Variants in FAM13A observed in about 807,000 individuals in gnomAD.
The protein encoded by FAM13A is protein FAM13A.
In FAM13A, 76 loss-of-function variants were observed where a neutral mutation model predicts 129.6. The ratio of observed to expected loss-of-function variants is 0.59; its 90% confidence interval spans 0.49 to 0.71. FAM13A has a LOEUF of 0.71. Among genes scored for constraint, FAM13A ranks in the 30% least tolerant of loss-of-function variants. The pLI is 0.00. For synonymous variants in FAM13A, 443 were observed against 449.9 expected (o/e 0.98, Z 0.20); for missense variants, 1,108 against 1,249.3 (o/e 0.89, Z 1.70).
chr4:89,039,955 TAAA>T (rs1027631391), intron 1 of FAM13A, among the ~76,000 whole-genome samples: 1 of 139,672 alleles, frequency 7.2e-6, no homozygotes, highest in Admixed American at 7.2e-5. Flanking sequence ...ACTGTCTCTT[TAAA>T]AAAAAAAAAG....
At chr4:88,772,469 C>T (rs984554146) in intron 11 of FAM13A, among the ~76,000 whole-genome samples, 2 of 152,154 alleles carry the variant, frequency 1.3e-5, no homozygotes, top group African/African-American at 4.8e-5. Flanking sequence ...CAGCCTCTCT[C>T]GTGATCTGGT....
chr4:88,909,265 A>C (rs1748652420), intron 5 of FAM13A, among the ~76,000 whole-genome samples: 1 of 152,190 alleles, frequency 6.6e-6, no homozygotes, highest in African/African-American at 2.4e-5. Flanking sequence ...TTCGGCTATA[A>C]AAAGGAATAA....
chr4:88,991,381 T>G (rs1762905822), intron 3 of FAM13A, among the ~76,000 whole-genome samples: 1 of 152,086 alleles, frequency 6.6e-6, no homozygotes, highest in Non-Finnish European at 1.5e-5. Flanking sequence ...GAGCTCGCAG[T>G]GAGCCGAGAT....
intron 1 of FAM13A, among the ~76,000 whole-genome samples, chr4:89,031,387 A>G (rs1768662055): frequency 6.6e-6 from 1 of 152,218 alleles, no homozygotes. Flanking sequence ...AGCATAGACT[A>G]TGGAACAAGA....
chr4:88,780,846 G>A (rs1232575315), intron 11 of FAM13A, among the ~76,000 whole-genome samples: 1 of 150,260 alleles, frequency 6.7e-6, no homozygotes, highest in East Asian at 2.0e-4. Context: ...CAAATAGAAT[G>A]GGGAAAAAGA....
Position 88,733,887 on chromosome 4 carries a change from T to C in FAM13A, c.2647-1689A>G, listed in dbSNP as rs141659588. 4.9e-4 allele frequency among the ~76,000 whole-genome samples: 74 copies of C among 152,346 alleles called. No homozygotes were observed. The East Asian group carries it at 0.013, about 26-fold the overall frequency. The stretch of plus-strand genomic sequence containing the variant: ...TCAGGTGTCTAGGCCTTATCAATTA[T>C]ATCCCAAAGTCCTGAGAGAACTTAA... On this transcript the variant is annotated intron_variant, in intron 21 of 23. Coordinates refer to ENST00000264344, the MANE Select transcript of FAM13A (RefSeq NM_014883.4).
chr4:88,835,934 A>G (rs1247975808), intron 7 of FAM13A, among the ~76,000 whole-genome samples: 1 of 152,040 alleles, frequency 6.6e-6, no homozygotes, highest in Admixed American at 6.6e-5. Context: ...TGCTCTATAT[A>G]ATTTCTCTGA....
rs759726778 is a variant in FAM13A at position 88,758,729 on chromosome 4, T to G, written c.1726+25A>C. On this transcript the variant is annotated intron_variant, in intron 14 of 23. Coordinates refer to ENST00000264344, the MANE Select transcript of FAM13A (RefSeq NM_014883.4). Reference sequence around the variant, plus strand: ...TTATATATGCTTTAATGATAGCAAATCATCCAAGTATCAGACAACCCTACC... The same window carrying G: ...TTATATATGCTTTAATGATAGCAAAGCATCCAAGTATCAGACAACCCTACC... The G allele has an allele frequency of 1.6e-5, 26 of 1,601,748 alleles. No individual in the cohort carries two copies. In the South Asian group the frequency reaches 2.6e-4, roughly 16 times the overall value.
chr4:88,884,922 T>C (rs1744160826), intron 6 of FAM13A, among the ~76,000 whole-genome samples: 1 of 151,970 alleles, frequency 6.6e-6, no homozygotes, highest in Admixed American at 6.6e-5. Context: ...TAAAATCAAA[T>C]ACTTAGGAAT....
chr4:88,853,009 G>A (rs1737878467), intron 6 of FAM13A, among the ~76,000 whole-genome samples: 1 of 152,126 alleles, frequency 6.6e-6, no homozygotes, highest in African/African-American at 2.4e-5. Context: ...ATTTAGGATA[G>A]AGCAAAGTGA....
chr4:88,870,683 C>G (rs1047728291), intron 6 of FAM13A, among the ~76,000 whole-genome samples: 5 of 152,230 alleles, frequency 3.3e-5, no homozygotes, highest in African/African-American at 9.6e-5. Flanking sequence ...GACTCTACCT[C>G]TGGGAGCAGG....
At chr4:88,753,587 G>A in intron 14 of FAM13A, 1 of 697,676 alleles carries the variant, frequency 1.4e-6, no homozygotes, top group Non-Finnish European at 1.8e-6. Context: ...GGAAGTGAAA[G>A]GTTTCTCATC....
chr4:88,941,974 C>G (rs1754834153), intron 4 of FAM13A, among the ~76,000 whole-genome samples: 1 of 152,050 alleles, frequency 6.6e-6, no homozygotes, highest in Non-Finnish European at 1.5e-5. Flanking sequence ...ATTTCAGTGC[C>G]AAAGCCATCT....
chr4:88,745,555 A>G (rs1442290449), intron 19 of FAM13A, among the ~76,000 whole-genome samples: 1 of 152,184 alleles, frequency 6.6e-6, no homozygotes, highest in Non-Finnish European at 1.5e-5. Flanking sequence ...GAAGGAAAAC[A>G]CACCTTCTCC....
chr4:88,984,347 G>A (rs1761986188), intron 4 of FAM13A, among the ~76,000 whole-genome samples: 1 of 152,070 alleles, frequency 6.6e-6, no homozygotes, highest in Admixed American at 6.5e-5. Flanking sequence ...TCAAGAAAAT[G>A]AAAAGGCAAC....
intron 5 of FAM13A, among the ~76,000 whole-genome samples, chr4:88,912,903 C>T (rs1470112371): frequency 6.6e-6 from 1 of 152,044 alleles, no homozygotes; most frequent in African/African-American, 2.4e-5. Flanking sequence ...ACCTATTGAG[C>T]CCAAGAGGTC....
At chr4:89,030,104 C>T (rs982299420) in intron 1 of FAM13A, among the ~76,000 whole-genome samples, 2 of 151,930 alleles carry the variant, frequency 1.3e-5, no homozygotes, top group Non-Finnish European at 2.9e-5. Flanking sequence ...TTACAATGAC[C>T]ATTCTTCATC....
At chr4:88,845,170 T>A (rs540617764) in intron 7 of FAM13A, among the ~76,000 whole-genome samples, 1 of 150,032 alleles carries the variant, frequency 6.7e-6, no homozygotes, top group East Asian at 1.9e-4. Flanking sequence ...AGGAAAAGGA[T>A]GTTGGAGACA....
At chr4:88,753,654 G>T in intron 14 of FAM13A, 2 of 936,204 alleles carry the variant, frequency 2.1e-6, no homozygotes, top group South Asian at 9.9e-5. Context: ...TCTGTTATTC[G>T]ATAGTCTTAT....
Sources: gnomAD v4.1 joint callset for allele counts (sites outside exome capture counted in the v4.1 genomes callset) on GRCh38, gnomAD v4.1.1 for gene constraint, MANE v1.5 for transcripts, NCBI Gene and HGNC (gene_info 2026-07-23, HGNC 2026-07-21) for gene names.